The following SLC15A5 variants were observed in gnomAD, a reference collection of about 807,000 sequenced individuals.
SLC15A5 encodes solute carrier family 15 member 5.
A neutral mutation model predicts 56.1 loss-of-function variants in SLC15A5; 58 were observed. That is an observed-to-expected ratio of 1.03 (90% CI 0.84 to 1.29). The LOEUF is 1.29. SLC15A5 is among the 50% of genes most tolerant of loss of function. The probability of loss-of-function intolerance (pLI) is 0.00; values close to 1 mark genes in which losing one functional copy is unlikely to be tolerated. For synonymous variants in SLC15A5, 264 were observed against 250.5 expected (o/e 1.05, Z -0.51); for missense variants, 681 against 672.1 (o/e 1.01, Z -0.15).
At chr12:16,222,419 G>A (rs926442091) in intron 6 of SLC15A5, among the ~76,000 whole-genome samples, 3 of 152,188 alleles carry the variant, frequency 2.0e-5, no homozygotes, top group African/African-American at 7.2e-5. Context: ...TTTTCAAGGA[G>A]TAGTCTCTCA....
At chr12:16,244,458 G>T in intron 4 of SLC15A5, 122 bp downstream of exon 4, 1 of 867,584 alleles carries the variant, frequency 1.2e-6, no homozygotes, top group Non-Finnish European at 1.8e-6. Flanking sequence ...AGTTTCTGTG[G>T]GGATAACTGC....
rs138389533 is a variant in SLC15A5 at position 16,229,361 on chromosome 12, T to C, written c.1163-4759A>G. On this transcript the variant is annotated intron_variant, in intron 5 of 8. Coordinates refer to ENST00000344941, the MANE Select transcript of SLC15A5 (RefSeq NM_001170798.1). ...AATATCTTAAACTCTTTCTTTTCCATCTTAGGGACTTTTATTTGCTCTTCA... is the reference window on the plus strand; with the variant it reads ...AATATCTTAAACTCTTTCTTTTCCACCTTAGGGACTTTTATTTGCTCTTCA... Among the ~76,000 whole-genome samples the C allele has an allele frequency of 4.7e-3, 723 of 152,258 alleles. 5 individuals are homozygous for C. Among genetic ancestry groups the C allele is most frequent in the African/African-American group, 0.016 (674 of 41,550 alleles).
At chr12:16,194,108 GA>G (rs781311298) in intron 8 of SLC15A5, among the ~76,000 whole-genome samples, 12 of 152,006 alleles carry the variant, frequency 7.9e-5, no homozygotes, top group East Asian at 3.9e-4. Context: ...ACATAGTGGG[GA>G]AAAAAATCTT....
intron 2 of SLC15A5, among the ~76,000 whole-genome samples, chr12:16,267,894 A>C (rs1314610099): frequency 1.7e-5 from 1 of 58,948 alleles, no homozygotes. Flanking sequence ...TCACCCCACC[A>C]TGCCTGGGTA....
intron 5 of SLC15A5, among the ~76,000 whole-genome samples, chr12:16,226,372 A>G (rs868637586): frequency 1.3e-4 from 20 of 152,192 alleles, no homozygotes; most frequent in African/African-American, 4.8e-4. Context: ...AGTAGCAATT[A>G]TTATTGAAGA....
intron 7 of SLC15A5, among the ~76,000 whole-genome samples, chr12:16,195,742 C>T (rs1863888898): frequency 6.6e-6 from 1 of 152,034 alleles, no homozygotes; most frequent in Non-Finnish European, 1.5e-5. Flanking sequence ...TCTCCCTTGA[C>T]AATGCATACT....
At chr12:16,199,897 T>C (rs1355823155) in intron 7 of SLC15A5, among the ~76,000 whole-genome samples, 1 of 152,098 alleles carries the variant, frequency 6.6e-6, no homozygotes, top group Non-Finnish European at 1.5e-5. Context: ...GACACTGTGG[T>C]CTATAATCAC....
intron 5 of SLC15A5, among the ~76,000 whole-genome samples, chr12:16,229,144 C>T (rs926378862): frequency 3.3e-5 from 5 of 152,192 alleles, no homozygotes; most frequent in Admixed American, 3.3e-4. Context: ...CCAGATTGAG[C>T]TTATGTAAAT....
chr12:16,234,732 A>C (rs1047032234), intron 5 of SLC15A5, among the ~76,000 whole-genome samples: 2 of 152,200 alleles, frequency 1.3e-5, no homozygotes, highest in East Asian at 3.8e-4. Flanking sequence ...ACCATGTAAT[A>C]ATTTTCCAAA....
At chr12:16,247,825 C>G (rs989644371) in intron 3 of SLC15A5, among the ~76,000 whole-genome samples, 2 of 151,898 alleles carry the variant, frequency 1.3e-5, no homozygotes, top group Non-Finnish European at 2.9e-5. Context: ...TTATAGAAAA[C>G]CATTAAGAAG....
intron 3 of SLC15A5, among the ~76,000 whole-genome samples, chr12:16,257,489 T>A (rs1864588545): frequency 6.6e-6 from 1 of 152,188 alleles, no homozygotes; most frequent in Non-Finnish European, 1.5e-5. Context: ...TTTCATTGGG[T>A]CTAAATCTTG....
At chr12:16,244,104 A>G (rs536739274) in intron 4 of SLC15A5, among the ~76,000 whole-genome samples, 4 of 152,260 alleles carry the variant, frequency 2.6e-5, no homozygotes, top group African/African-American at 4.8e-5. Context: ...GAACTAATAG[A>G]GTGGGTGGGG....
At position 16,237,348 on chromosome 12, in the gene SLC15A5, G is replaced by C. The variant is rs544099274; in HGVS notation, c.1162+2333C>G. 3.4e-4 allele frequency among the ~76,000 whole-genome samples: 52 copies of C among 152,272 alleles called. No individual in the cohort carries two copies. The highest frequency in any genetic ancestry group is 1.2e-3 in the African/African-American group (51 of 41,568). ...GTTATGCAAATAAACGTACAAGTAT[G>C]CAAATCAATGAATGAATGGAGTGGG... On this transcript the variant is annotated intron_variant, in intron 5 of 8. Transcript: ENST00000344941. The surrounding 1 kb of genome is among the most constrained non-coding windows in gnomAD (Gnocchi z 4.1).
At chr12:16,239,923 A>G in intron 4 of SLC15A5, 56 bp from the exon 5 acceptor site, 1 of 1,456,580 alleles carries the variant, frequency 6.9e-7, no homozygotes, top group Non-Finnish European at 9.2e-7. Flanking sequence ...CTTTGAAGAA[A>G]GCATCGTCCA....
chr12:16,257,998 A>T (rs1864594581), intron 2 of SLC15A5, 128 bp from the exon 3 acceptor site: 2 of 783,162 alleles, frequency 2.6e-6, no homozygotes. Context: ...CCAATTTTGC[A>T]AATGTTGTTT....
At chr12:16,203,494 T>A (rs1799519) in intron 7 of SLC15A5, among the ~76,000 whole-genome samples, 31,858 of 152,056 alleles carry the variant, frequency 0.21, 3,568 homozygotes, top group African/African-American at 0.29. Context: ...CATAAGGTGA[T>A]CTTAATAGCT....
At chr12:16,227,618 A>C (rs1367536029) in intron 5 of SLC15A5, among the ~76,000 whole-genome samples, 1 of 152,206 alleles carries the variant, frequency 6.6e-6, no homozygotes, top group East Asian at 1.9e-4. Flanking sequence ...GATTTTCAGG[A>C]TGATGAGACG....
intron 6 of SLC15A5, among the ~76,000 whole-genome samples, chr12:16,219,756 A>ATT (rs11377108): frequency 1.3e-5 from 2 of 151,592 alleles, no homozygotes; most frequent in Non-Finnish European, 2.9e-5. Flanking sequence ...CATCAATTTG[A>ATT]TTTTTTTTAG....
chr12:16,275,674 G>A (rs773013186), intron 1 of SLC15A5, among the ~76,000 whole-genome samples: 1 of 151,972 alleles, frequency 6.6e-6, no homozygotes, highest in Admixed American at 6.6e-5. Context: ...GGGCAACAAA[G>A]AAATAACTTT....
Sources: gnomAD v4.1 joint callset for allele counts (sites outside exome capture counted in the v4.1 genomes callset) on GRCh38, gnomAD v4.1.1 for gene constraint, Gnocchi (gnomAD v3.1) non-coding constraint, MANE v1.5 for transcripts, NCBI Gene and HGNC (gene_info 2026-07-23, HGNC 2026-07-21) for gene names.